The following TRIML1 variants were observed in gnomAD, a reference collection of about 807,000 sequenced individuals.
The protein encoded by TRIML1 is probable E3 ubiquitin-protein ligase TRIML1.
A neutral mutation model predicts 32.3 loss-of-function variants in TRIML1; 34 were observed. The ratio of observed to expected loss-of-function variants is 1.05; its 90% CI spans 0.80 to 1.40. TRIML1 has a LOEUF of 1.40. TRIML1 is among the 40% of genes most tolerant of loss of function. The pLI is 0.00. For synonymous variants in TRIML1, 244 were observed against 226.6 expected, an observed-to-expected ratio of 1.08 and a Z score of -0.69; for missense variants, 595 against 574.9, an observed-to-expected ratio of 1.03 and a Z score of -0.36.
rs1735134813 is a variant in TRIML1 at position 188,147,506 on chromosome 4, G to C, written c.*134G>C. The C allele has an allele frequency of 3.0e-6, 2 of 665,066 alleles. No homozygotes were observed. Among genetic ancestry groups the C allele is most frequent in the Non-Finnish European group, 2.2e-6 (1 of 457,184 alleles). 41.2% of individuals were successfully genotyped at this position (665,066 alleles called of 1,614,324 possible). On this transcript the variant is annotated 3_prime_UTR_variant, in exon 6 of 6. Coordinates refer to ENST00000332517, the MANE Select transcript of TRIML1 (RefSeq NM_178556.5). ...CCGTAACCCCACCCCACCCCCAAGA[G>C]TTTCCATTAACTTGATCCCATTATG... is the stretch of plus-strand genomic sequence containing the variant.
chr4:188,147,542 T>A lies in TRIML1; in HGVS notation c.*170T>A, dbSNP rs1195559032. On this transcript the variant is annotated 3_prime_UTR_variant, in exon 6 of 6. Coordinates refer to ENST00000332517, the MANE Select transcript of TRIML1 (RefSeq NM_178556.5). The stretch of plus-strand genomic sequence containing the variant: ...CTTGATCCCATTATGAACAGCCACA[T>A]TACACAATCAACTTCAACCCCAATA... The A allele has an allele frequency of 4.4e-6, 2 of 454,014 alleles. No individual in the cohort carries two copies. Among genetic ancestry groups the A allele is most frequent in the Non-Finnish European group, 7.4e-6 (2 of 271,364 alleles). The allele number at this position is 454,014 out of a possible 1,614,324, so 28.1% of individuals were successfully genotyped here.
rs777178757 is a variant in TRIML1 at position 188,140,626 on chromosome 4, C to T, written c.504+3C>T. Reference sequence around the variant, plus strand: ...AGGAGAGAGTGAAACTGTGCCAGGTCGGTGTCTGTCTGACTTTTGCTGCTT... The same window carrying T: ...AGGAGAGAGTGAAACTGTGCCAGGTTGGTGTCTGTCTGACTTTTGCTGCTT... On this transcript the variant is annotated splice_donor_region_variant and intron_variant, in intron 2 of 5. Transcript: ENST00000332517. The T allele has an allele frequency of 6.8e-6, 11 of 1,610,388 alleles. No individual in the cohort carries two copies. Among genetic ancestry groups the T allele is most frequent in the South Asian group, 3.3e-5 (3 of 90,998 alleles).
intron 1 of TRIML1, 116 bp from the exon 2 acceptor site, chr4:188,140,412 G>A (rs1734809075): frequency 3.4e-5 from 27 of 783,386 alleles, no homozygotes; most frequent in South Asian, 3.0e-4. Flanking sequence ...GTGAGGCGCC[G>A]CACCCAGCCT....
chr4:188,138,332 A>G (rs1352811173), upstream of TRIML1, among the ~76,000 whole-genome samples: 1 of 152,114 alleles, frequency 6.6e-6, no homozygotes, highest in African/African-American at 2.4e-5. Flanking sequence ...AAACCAATGA[A>G]CGGAACAGCC....
chr4:188,139,926 A>G lies in TRIML1; in HGVS notation c.368A>G (p.Asn123Ser). 1 of 1,613,392 alleles carries G rather than the reference A, an allele frequency of 6.2e-7. No individual in the cohort carries two copies. Among genetic ancestry groups the G allele is most frequent in the African/African-American group, 1.3e-5 (1 of 75,028 alleles). The change falls in exon 1 of 6, where the codon AAC becomes AGC. Residue 123 changes from asparagine (N) to serine (S), a missense_variant. Physicochemically the swap from Asn to Ser is conservative, Grantham distance 46. Transcript: ENST00000332517. ...SAFVAQSHGA[N>S]RVHLSSEAEE... ...TTCGTAGCCCAGAGCCATGGTGCAA[A>G]CAGAGTGCATCTCTCCAGCGAGGCT... is the stretch of plus-strand genomic sequence containing the variant.
In TRIML1 at chr4:188,144,088, C is replaced by T. The variant is rs1560972566; in HGVS notation, c.811C>T (p.Leu271=). 2.5e-6 allele frequency: 4 copies of T among 1,614,106 alleles called. No individual in the cohort carries two copies. The Admixed American group carries it at 5.0e-5, about 20-fold the overall frequency. ...AGAGGCCACCACCACAGAGCTGAGT[C>T]TGTGCCGCATCACGGGAATGAAGGA... is the stretch of plus-strand genomic sequence containing the variant. ...CPEATTTELS[L]CRITGMKEML... Residue 271 remains leucine (L), a synonymous_variant, in exon 5 of 6, where the codon CTG becomes TTG. Coordinates refer to ENST00000332517, the MANE Select transcript of TRIML1 (RefSeq NM_178556.5).
chr4:188,141,912 G>A (rs28612693), intron 2 of TRIML1, among the ~76,000 whole-genome samples: 5,177 of 152,008 alleles, frequency 0.034, 289 homozygotes, highest in African/African-American at 0.12. Flanking sequence ...AGAGACTTGA[G>A]ACAATCCTGA....
chr4:188,142,762 T>C (rs1734912466), intron 3 of TRIML1, among the ~76,000 whole-genome samples: 1 of 151,472 alleles, frequency 6.6e-6, no homozygotes, highest in African/African-American at 2.4e-5. Flanking sequence ...CTTTGTTAAT[T>C]TTTTTTTCTA....
downstream of TRIML1, among the ~76,000 whole-genome samples, chr4:188,148,883 T>A (rs1311820075): frequency 7.0e-6 from 1 of 142,710 alleles, no homozygotes; most frequent in African/African-American, 2.6e-5. Context: ...ATTACAGGTG[T>A]GAGCCACCGT....
At chr4:188,148,901 CTTTTTTT>C (rs34415263), downstream of TRIML1, among the ~76,000 whole-genome samples, 2,006 of 63,600 alleles carry the variant, frequency 0.032, 34 homozygotes, top group African/African-American at 0.085. Context: ...CGTGCCCAGG[CTTTTTTT>C]TTTTTTTTTT....
chr4:188,145,371 G>GGTGGAGGTT, intron 5 of TRIML1, among the ~76,000 whole-genome samples: 1 of 148,020 alleles, frequency 6.8e-6, no homozygotes, highest in Admixed American at 6.7e-5. Flanking sequence ...GAACCCAGGA[G>GGTGGAGGTT]GTGGAGGTTG....
At chr4:188,141,163 C>CTTTTTTTTTTTTTT (rs1734837698) in intron 2 of TRIML1, among the ~76,000 whole-genome samples, 5 of 106,342 alleles carry the variant, frequency 4.7e-5, no homozygotes, top group South Asian at 3.4e-4. Context: ...ACTTTGAAAT[C>CTTTTTTTTTTTTTT]TGTTTTTTTT....
At chr4:188,140,712 GAC>G in intron 2 of TRIML1, 89 bp downstream of exon 2, 1 of 936,778 alleles carries the variant, frequency 1.1e-6, no homozygotes. Context: ...AAAAAAAAAA[GAC>G]AAATTTTTCC....
Position 188,147,679 on chromosome 4 carries a change from A to G in TRIML1, c.*307A>G. The G allele has an allele frequency of 3.7e-6, 1 of 268,538 alleles. No individual in the cohort carries two copies. The highest frequency in any genetic ancestry group is 6.9e-6 in the Non-Finnish European group (1 of 143,924). The allele number at this position is 268,538 out of a possible 1,614,324, so 16.6% of individuals were successfully genotyped here. A position where few individuals can be genotyped will look rare whatever the true frequency, so the allele number is the denominator to read the frequency against. ...CCCTATTACCATGAATCCTACTGCC[A>G]TAGGCCAGATTTTATAAATATATGT... On this transcript the variant is annotated 3_prime_UTR_variant, in exon 6 of 6. Transcript: ENST00000332517.
chr4:188,148,694 C>T (rs896615087), downstream of TRIML1, among the ~76,000 whole-genome samples: 2 of 151,144 alleles, frequency 1.3e-5, no homozygotes, highest in African/African-American at 2.4e-5. Flanking sequence ...CCTCCACCTC[C>T]GGGGTTCAAG....
At chr4:188,142,532 G>A in intron 3 of TRIML1, 50 bp downstream of exon 3, 1 of 1,367,220 alleles carries the variant, frequency 7.3e-7, no homozygotes, top group Non-Finnish European at 1.0e-6. Context: ...GTAACTCATA[G>A]TACTTCAAGC....
At chr4:188,141,727 C>A (rs796327720) in intron 2 of TRIML1, among the ~76,000 whole-genome samples, 1 of 151,978 alleles carries the variant, frequency 6.6e-6, no homozygotes, top group African/African-American at 2.4e-5. Context: ...GTATCTATAG[C>A]GCACATACCT....
downstream of TRIML1, among the ~76,000 whole-genome samples, chr4:188,149,166 G>A (rs181375942): frequency 2.4e-4 from 37 of 151,246 alleles, no homozygotes; most frequent in Middle Eastern, 3.4e-3. Context: ...TGATCCACCC[G>A]CCTCCACCTC....
chr4:188,147,263 C>A lies in TRIML1; in HGVS notation c.1298C>A (p.Pro433Gln). 6.3e-7 allele frequency: 1 copy of A among 1,587,994 alleles called. No homozygotes were observed. Among genetic ancestry groups the A allele is most frequent in the Non-Finnish European group, 8.6e-7 (1 of 1,166,908 alleles). Reference protein sequence around the residue: ...GTDESLIYSFPQASFQEALRP... With the variant: ...GTDESLIYSFQQASFQEALRP... ...GATGAATCCCTCATCTACAGCTTCC[C>A]GCAGGCTTCTTTCCAAGAGGCCCTC... Residue 433 changes from proline (P) to glutamine (Q), a missense_variant, in exon 6 of 6, where the codon CCG (proline) becomes CAG (glutamine). Pro to Gln is a moderately conservative substitution (Grantham distance 76). Transcript: ENST00000332517.
Sources: gnomAD v4.1 joint callset for allele counts (sites outside exome capture counted in the v4.1 genomes callset) on GRCh38, gnomAD v4.1.1 for gene constraint, MANE v1.5 for transcripts, NCBI Gene and HGNC (gene_info 2026-07-23, HGNC 2026-07-21) for gene names.